Variants in KCNT2 observed in about 807,000 individuals in gnomAD.
The protein encoded by KCNT2 is potassium channel subfamily T member 2.
Under a neutral mutation model 153.8 loss-of-function variants are expected in KCNT2, and 67 were observed. That is an observed-to-expected ratio of 0.44 (90% CI 0.36 to 0.53). The LOEUF (loss-of-function observed/expected upper bound fraction) is 0.53. Among genes scored for constraint, KCNT2 ranks in the 20% least tolerant of loss-of-function variants. The probability of loss-of-function intolerance (pLI) is 0.00; values close to 1 mark genes in which losing one functional copy is unlikely to be tolerated. For synonymous variants in KCNT2, 500 were observed against 458.8 expected (o/e 1.09, Z -1.15); for missense variants, 975 against 1,354.8 (o/e 0.72, Z 4.40).
At chr1:196,251,247 A>G (rs1182818924) in intron 26 of KCNT2, among the ~76,000 whole-genome samples, 1 of 152,130 alleles carries the variant, frequency 6.6e-6, no homozygotes, top group Non-Finnish European at 1.5e-5. Flanking sequence ...TATGATACAT[A>G]TATACAATGG....
At chr1:196,346,849 C>T (rs1175596369) in intron 14 of KCNT2, among the ~76,000 whole-genome samples, 1 of 152,064 alleles carries the variant, frequency 6.6e-6, no homozygotes, top group African/African-American at 2.4e-5. Context: ...ACCACTGAGC[C>T]CTGTTGTTTA....
chr1:196,483,060 G>A (rs1011283431), intron 3 of KCNT2, among the ~76,000 whole-genome samples: 1 of 152,036 alleles, frequency 6.6e-6, no homozygotes, highest in South Asian at 2.1e-4. Flanking sequence ...ATTCCAATGG[G>A]AGTTACTTAC....
At chr1:196,484,771 A>G (rs1240504242) in intron 3 of KCNT2, among the ~76,000 whole-genome samples, 1 of 152,074 alleles carries the variant, frequency 6.6e-6, no homozygotes, top group African/African-American at 2.4e-5. Context: ...AGCACCATTT[A>G]TTGAATAGGA....
At chr1:196,456,949 GTCTTAA>G (rs1676724718) in intron 8 of KCNT2, among the ~76,000 whole-genome samples, 1 of 151,924 alleles carries the variant, frequency 6.6e-6, no homozygotes, top group Admixed American at 6.6e-5. Context: ...ACAACGGTTG[GTCTTAA>G]TACAAGTTTC....
At chr1:196,379,873 G>A (rs1458886115) in intron 13 of KCNT2, among the ~76,000 whole-genome samples, 1 of 152,018 alleles carries the variant, frequency 6.6e-6, no homozygotes, top group Non-Finnish European at 1.5e-5. Flanking sequence ...TCATAGAATT[G>A]TCTGAGGAAA....
At chr1:196,500,927 A>G (rs1486960547) in intron 1 of KCNT2, among the ~76,000 whole-genome samples, 1 of 152,190 alleles carries the variant, frequency 6.6e-6, no homozygotes, top group Admixed American at 6.5e-5. Flanking sequence ...ATACAAATGT[A>G]TGCAGCCACA....
intron 12 of KCNT2, among the ~76,000 whole-genome samples, chr1:196,414,160 T>A (rs547891629): frequency 1.3e-5 from 2 of 151,706 alleles, no homozygotes; most frequent in African/African-American, 4.8e-5. Context: ...TTATGCCTAA[T>A]ATTAACAATT....
chr1:196,483,102 A>T (rs1644578306), intron 3 of KCNT2, among the ~76,000 whole-genome samples: 1 of 152,144 alleles, frequency 6.6e-6, no homozygotes, highest in Non-Finnish European at 1.5e-5. Context: ...AAAGATAAAA[A>T]TAATTACATT....
intron 1 of KCNT2, among the ~76,000 whole-genome samples, chr1:196,496,198 G>A (rs947997668): frequency 1.5e-4 from 23 of 152,154 alleles, no homozygotes; most frequent in East Asian, 7.7e-4. Flanking sequence ...GGCCAGGCAC[G>A]GTGGCTCACA....
intron 1 of KCNT2, among the ~76,000 whole-genome samples, chr1:196,593,163 G>A (rs981258323): frequency 2.0e-5 from 3 of 150,746 alleles, no homozygotes; most frequent in Non-Finnish European, 4.4e-5. Flanking sequence ...TTATGAGTGA[G>A]AACATATGAT....
intron 5 of KCNT2, among the ~76,000 whole-genome samples, chr1:196,471,043 G>A (rs548538345): frequency 5.3e-5 from 8 of 151,190 alleles, no homozygotes; most frequent in Non-Finnish European, 1.2e-4. Context: ...ACCACGCCCG[G>A]CTAATCTTTT....
At chr1:196,279,493 G>A in intron 25 of KCNT2, among the ~76,000 whole-genome samples, 1 of 151,904 alleles carries the variant, frequency 6.6e-6, no homozygotes, top group East Asian at 1.9e-4. Context: ...CGTGATCTTG[G>A]CTCACTGCAA....
intron 7 of KCNT2, among the ~76,000 whole-genome samples, chr1:196,466,389 C>A (rs1677617663): frequency 6.6e-6 from 1 of 152,002 alleles, no homozygotes; most frequent in Non-Finnish European, 1.5e-5. Context: ...TTTCATAAGA[C>A]TCCAGTGGTT....
At chr1:196,408,599 G>A (rs529658045) in intron 12 of KCNT2, among the ~76,000 whole-genome samples, 9 of 151,446 alleles carry the variant, frequency 5.9e-5, no homozygotes, top group South Asian at 4.2e-4. Context: ...AATTTAATGC[G>A]TTGCATTTTC....
intron 14 of KCNT2, among the ~76,000 whole-genome samples, chr1:196,361,437 A>G (rs533458959): frequency 6.6e-6 from 1 of 152,170 alleles, no homozygotes; most frequent in Admixed American, 6.6e-5. Context: ...CATTCATAAA[A>G]AAGCTCTGTG....
intron 22 of KCNT2, among the ~76,000 whole-genome samples, chr1:196,290,704 T>A (rs1660112690): frequency 6.6e-6 from 1 of 152,070 alleles, no homozygotes; most frequent in African/African-American, 2.4e-5. Flanking sequence ...CTCACTAAGG[T>A]CAGTTATTTC....
At chr1:196,259,757 A>G (rs748469522) in intron 25 of KCNT2, 1 of 152,006 alleles carries the variant, frequency 6.6e-6, no homozygotes, top group Non-Finnish European at 1.5e-5. Flanking sequence ...GTTTCAAAAC[A>G]GTACTATATC....
chr1:196,588,974 C>G (rs966071977), intron 1 of KCNT2, among the ~76,000 whole-genome samples: 4 of 151,614 alleles, frequency 2.6e-5, no homozygotes, highest in African/African-American at 9.7e-5. Flanking sequence ...CCCCAAAAAG[C>G]CTATAAGTAT....
chr1:196,439,432 A>T (rs1675024991), intron 8 of KCNT2, among the ~76,000 whole-genome samples: 2 of 152,082 alleles, frequency 1.3e-5, no homozygotes, highest in African/African-American at 4.8e-5. Context: ...ATAATTCCAG[A>T]ATTATATGAA....
Sources: gnomAD v4.1 joint callset for allele counts (sites outside exome capture counted in the v4.1 genomes callset) on GRCh38, gnomAD v4.1.1 for gene constraint, MANE v1.5 for transcripts, NCBI Gene and HGNC (gene_info 2026-07-23, HGNC 2026-07-21) for gene names.